The following CAPN5 variants were observed in gnomAD, a reference collection of about 807,000 sequenced individuals.
CAPN5 encodes the protein calpain-5.
CAPN5 carries 54 observed loss-of-function variants against 73.0 expected under a neutral mutation model. The observed-to-expected ratio is 0.74, with a 90% CI of 0.59 to 0.93. CAPN5 has a LOEUF of 0.93. Ranked by LOEUF, CAPN5 falls within the 40% of genes least tolerant of loss-of-function variation. The pLI, the probability that CAPN5 is intolerant of heterozygous loss-of-function variation, is 0.00. For synonymous variants in CAPN5, 335 were observed against 356.9 expected, an observed-to-expected ratio of 0.94 and a Z score of 0.69; for missense variants, 785 against 882.9, an observed-to-expected ratio of 0.89 and a Z score of 1.41.
At chr11:77,084,245 C>G (rs1012005386) in intron 1 of CAPN5, among the ~76,000 whole-genome samples, 6 of 152,224 alleles carry the variant, frequency 3.9e-5, no homozygotes, top group South Asian at 4.1e-4. Flanking sequence ...CTGGGCCCAC[C>G]TGGGCCCCTG....
At chr11:77,101,489 G>T (rs1327763234) in intron 3 of CAPN5, among the ~76,000 whole-genome samples, 1 of 152,168 alleles carries the variant, frequency 6.6e-6, no homozygotes. Flanking sequence ...ACCCTTGGGG[G>T]AATTTCTGCC....
intron 1 of CAPN5, among the ~76,000 whole-genome samples, chr11:77,082,284 G>A (rs779770580): frequency 6.6e-5 from 10 of 152,128 alleles, no homozygotes; most frequent in Non-Finnish European, 7.4e-5. Flanking sequence ...CAGGGCAGCT[G>A]GGAAGCTCAG....
intron 3 of CAPN5, among the ~76,000 whole-genome samples, chr11:77,107,079 A>G (rs974021279): frequency 6.6e-6 from 1 of 152,182 alleles, no homozygotes; most frequent in Non-Finnish European, 1.5e-5. Flanking sequence ...TCTGTGGTGC[A>G]TCGACACCCT....
chr11:77,096,923 T>C (rs1049271333), intron 3 of CAPN5, among the ~76,000 whole-genome samples: 1 of 152,044 alleles, frequency 6.6e-6, no homozygotes, highest in African/African-American at 2.4e-5. Flanking sequence ...AGTGGAGGCA[T>C]TTAAAAATGC....
intron 2 of CAPN5, among the ~76,000 whole-genome samples, chr11:77,093,357 C>T (rs1950170805): frequency 6.6e-6 from 1 of 152,206 alleles, no homozygotes; most frequent in Non-Finnish European, 1.5e-5. Context: ...GGGAGGGGCG[C>T]AGCGGGTAGG....
chr11:77,069,617 G>C (rs1337576267), intron 1 of CAPN5, among the ~76,000 whole-genome samples: 1 of 152,118 alleles, frequency 6.6e-6, no homozygotes, highest in Non-Finnish European at 1.5e-5. Flanking sequence ...GGCTCCCCCA[G>C]CTGCAAAGAG....
At chr11:77,075,033 G>C (rs1045908804) in intron 1 of CAPN5, among the ~76,000 whole-genome samples, 1 of 152,164 alleles carries the variant, frequency 6.6e-6, no homozygotes, top group Non-Finnish European at 1.5e-5. Flanking sequence ...CGTTTCCCAT[G>C]TGGCAGCCAC....
At chr11:77,077,825 AT>A (rs1280510856) in intron 1 of CAPN5, among the ~76,000 whole-genome samples, 2 of 151,984 alleles carry the variant, frequency 1.3e-5, no homozygotes, top group Non-Finnish European at 2.9e-5. Flanking sequence ...AATGTTGAGC[AT>A]TTTTTTCATA....
intron 6 of CAPN5, among the ~76,000 whole-genome samples, chr11:77,115,974 C>T (rs1012037881): frequency 6.6e-6 from 1 of 152,066 alleles, no homozygotes; most frequent in African/African-American, 2.4e-5. Flanking sequence ...ACCCCCCTTC[C>T]CCCCAGTCTG....
rs782001179 is a variant in CAPN5, at chr11:77,115,534, TC to T, written c.841del (p.Arg281AlafsTer25). 2.8e-5 allele frequency: 45 copies of T among 1,612,994 alleles called. No individual in the cohort carries two copies. Among genetic ancestry groups the T allele is most frequent in the Non-Finnish European group, 3.4e-6 (4 of 1,179,978 alleles). On this transcript the variant is annotated frameshift_variant, in exon 6 of 13. Transcript: ENST00000648180. LOFTEE classifies it high-confidence loss of function. Reference protein sequence around the residue: ...AFFKSEKLDMIRLRNPWGERE... With the variant: ...AFFKSEKLDMXRLRNPWGERE... ...TTCAAGTCAGAGAAGTTGGACATGA[TC>T]CGCCTGCGCAACCCCTGGGGCGAGC...
intron 1 of CAPN5, among the ~76,000 whole-genome samples, chr11:77,071,256 C>G (rs1264451702): frequency 6.6e-6 from 1 of 152,192 alleles, no homozygotes; most frequent in Admixed American, 6.5e-5. Flanking sequence ...GCTGCTGTAG[C>G]CCTGGCCCCA....
intron 3 of CAPN5, among the ~76,000 whole-genome samples, chr11:77,106,739 C>T (rs1311100479): frequency 6.6e-6 from 1 of 152,242 alleles, no homozygotes; most frequent in South Asian, 2.1e-4. Context: ...CACACGGTCT[C>T]CTCTCTCAGT....
At chr11:77,119,284 T>C in intron 9 of CAPN5, 132 bp downstream of exon 9, 1 of 1,023,824 alleles carries the variant, frequency 9.8e-7, no homozygotes, top group South Asian at 1.6e-5. Flanking sequence ...TGGCAGACAT[T>C]GTGAGGATGC....
intron 1 of CAPN5, among the ~76,000 whole-genome samples, chr11:77,069,171 A>G (rs550298448): frequency 8.5e-5 from 13 of 152,218 alleles, no homozygotes; most frequent in African/African-American, 3.1e-4. Flanking sequence ...TGAGGCGGAG[A>G]ACTTCCCTTT....
chr11:77,119,027 C>T lies in CAPN5; in HGVS notation c.1168-3C>T. The T allele has an allele frequency of 1.2e-6, 2 of 1,611,328 alleles. No homozygotes were observed. Among genetic ancestry groups the T allele is most frequent in the Non-Finnish European group, 8.5e-7 (1 of 1,178,788 alleles). On this transcript the variant is annotated splice_polypyrimidine_tract_variant and splice_region_variant and intron_variant, in intron 8 of 12. Coordinates refer to ENST00000648180, the MANE Select transcript of CAPN5 (RefSeq NM_004055.5). ...CTCTCTCTCTCCTTGGCCACACCTG[C>T]AGTACATCTTCGAAGTCAAGAAGCC...
At chr11:77,099,708 G>GGGGAGAGGGAGAGGGAGACGGAGA (rs1248252259) in intron 3 of CAPN5, among the ~76,000 whole-genome samples, 1 of 147,758 alleles carries the variant, frequency 6.8e-6, no homozygotes, top group Non-Finnish European at 1.5e-5. Context: ...GGGAGACCGT[G>GGGGAGAGGGAGAGGGAGACGGAGA]GGGAGAGGGA....
At position 77,114,384 on chromosome 11, in the gene CAPN5, C is replaced by T. The variant is rs1402261316; in HGVS notation, c.649C>T (p.Arg217Cys). ...GACTAAGAGGAACCAGCTCTTTGAG[C>T]GCATGTTAAAGGTGCACAGCCGGGG... ...DETKRNQLFE[R>C]MLKVHSRGGL... Residue 217 changes from arginine (R) to cysteine (C), a missense_variant, in exon 5 of 13, where the codon CGC (arginine) becomes TGC (cysteine). Physicochemically the swap from Arg to Cys is radical, Grantham distance 180. Coordinates refer to ENST00000648180, the MANE Select transcript of CAPN5 (RefSeq NM_004055.5). 4.3e-6 allele frequency: 7 copies of T among 1,614,054 alleles called. No individual in the cohort carries two copies. Among genetic ancestry groups the T allele is most frequent in the South Asian group, 1.1e-5 (1 of 91,082 alleles).
chr11:77,119,144 A>G lies in CAPN5; in HGVS notation c.1282A>G (p.Ile428Val), dbSNP rs147530510. The change falls in exon 9 of 13, where the codon ATC becomes GTC. Residue 428 changes from isoleucine to valine, a missense_variant. Transcript: ENST00000648180. ...KGENLAIGFD[I>V]YKVEENRQYR... Reference sequence around the variant, plus strand: ...TGAGAACCTGGCCATTGGCTTTGACATCTACAAGGTGAGGCCAGCCGGGTC... The same window carrying G: ...TGAGAACCTGGCCATTGGCTTTGACGTCTACAAGGTGAGGCCAGCCGGGTC... 4.3e-4 allele frequency: 695 copies of G among 1,611,444 alleles called. No homozygotes were observed. Among genetic ancestry groups the G allele is most frequent in the Non-Finnish European group, 5.4e-4 (639 of 1,179,050 alleles).
At position 77,088,085 on chromosome 11, in the gene CAPN5, TG is replaced by T; in HGVS notation, c.165+3039del. The stretch of plus-strand genomic sequence containing the variant: ...TGGTAGGCGGCCTCCTGTCACCCTG[TG>T]GGGGCAACATCCCCTCATCCAGCAT... On this transcript the variant is annotated intron_variant, in intron 2 of 12. Transcript: ENST00000648180. 6 of 1,517,698 alleles carry T rather than the reference TG, an allele frequency of 4.0e-6. No individual in the cohort carries two copies. In the South Asian group the frequency reaches 7.4e-5, roughly 19 times the overall value. 94.0% of individuals were successfully genotyped at this position (1,517,698 alleles called of 1,614,324 possible).
Sources: allele counts gnomAD v4.1 joint callset (sites outside exome capture counted in the v4.1 genomes callset), GRCh38; gene constraint gnomAD v4.1.1; transcripts MANE v1.5; gene names NCBI Gene and HGNC (gene_info 2026-07-23, HGNC 2026-07-21).